Variants in TERT observed in about 807,000 individuals in gnomAD.
TERT encodes telomerase reverse transcriptase.
TERT carries 42 observed loss-of-function variants against 104.0 expected under a neutral mutation model. That is an observed-to-expected ratio of 0.40 (90% CI 0.32 to 0.52). The LOEUF (loss-of-function observed/expected upper bound fraction) is 0.52, where lower values mean the gene tolerates loss of function less well. Ranked by LOEUF, TERT falls within the 20% of genes least tolerant of loss-of-function variation. The pLI is 0.43. For synonymous variants in TERT, 781 were observed against 725.6 expected (o/e 1.08, Z -1.23); for missense variants, 1,101 against 1,610.3 (o/e 0.68, Z 5.41).
At chr5:1,275,279 C>T (rs1161970327) in intron 6 of TERT, among the ~76,000 whole-genome samples, 2 of 149,872 alleles carry the variant, frequency 1.3e-5, no homozygotes, top group Admixed American at 6.7e-5. Context: ...GAGGCTGAGG[C>T]AAGAGAATTG....
At chr5:1,281,559 C>T (rs1750022894) in intron 3 of TERT, among the ~76,000 whole-genome samples, 1 of 152,232 alleles carries the variant, frequency 6.6e-6, no homozygotes, top group South Asian at 2.1e-4. Context: ...CTCACTGATG[C>T]AAATCCAGCT....
intron 9 of TERT, among the ~76,000 whole-genome samples, chr5:1,267,848 T>A (rs1383849042): frequency 6.7e-6 from 1 of 149,306 alleles, no homozygotes; most frequent in Non-Finnish European, 1.5e-5. Flanking sequence ...ATGGGGGGAG[T>A]GGGGAGGGAT....
chr5:1,280,701 C>T (rs1749962720), intron 3 of TERT, among the ~76,000 whole-genome samples: 1 of 152,220 alleles, frequency 6.6e-6, no homozygotes, highest in African/African-American at 2.4e-5. Context: ...GGTACAGCCA[C>T]TGGGGTAGCC....
At position 1,294,236 on chromosome 5, in the gene TERT, G is replaced by C; in HGVS notation, c.650C>G (p.Pro217Arg). Residue 217 changes from proline (P) to arginine (R), a missense_variant, in exon 2 of 16, where the codon CCA becomes CGA. By Grantham distance (103) the Pro-to-Arg change is moderately radical (BLOSUM62 -2). Coordinates refer to ENST00000310581, the MANE Select transcript of TERT (RefSeq NM_198253.3). Reference protein sequence around the residue: ...VREAGVPLGLPAPGARRRGGS... With the variant: ...VREAGVPLGLRAPGARRRGGS... ...CCCGCGCCTCCTCGCACCCGGGGCT[G>C]GCAGGCCCAGGGGGACCCCGGCCTC... The C allele has an allele frequency of 1.9e-6, 3 of 1,588,714 alleles. No homozygotes were observed. The highest frequency in any genetic ancestry group is 2.6e-6 in the Non-Finnish European group (3 of 1,173,608).
chr5:1,278,554 A>C, intron 6 of TERT, 87 bp downstream of exon 6: 1 of 1,576,102 alleles, frequency 6.3e-7, no homozygotes, highest in Non-Finnish European at 8.7e-7. Context: ...CCACCACAGA[A>C]ACGCATCACA....
rs1240580948 is a variant in TERT at position 1,289,718 on chromosome 5, C to T, written c.1573+3595G>A. 5.4e-5 allele frequency among the ~76,000 whole-genome samples: 6 copies of T among 110,768 alleles called. No homozygotes were observed. In the East Asian group the frequency reaches 1.6e-3, roughly 30 times the overall value. The allele number at this position is 110,768 out of a possible 152,430, so 72.7% of individuals were successfully genotyped here. On this transcript the variant is annotated intron_variant, in intron 2 of 15. Transcript: ENST00000310581. ...GTGACAGGGACACCCGGGGACGGCGCCTCACTCACCCTGCACGTGACAGGG... is the reference window on the plus strand; with the variant it reads ...GTGACAGGGACACCCGGGGACGGCGTCTCACTCACCCTGCACGTGACAGGG...
chr5:1,292,152 G>A lies in TERT; in HGVS notation c.1573+1161C>T, dbSNP rs1751033488. Among the ~76,000 whole-genome samples, 1 of 152,180 alleles carries A rather than the reference G, an allele frequency of 6.6e-6. No individual in the cohort carries two copies. Among genetic ancestry groups the A allele is most frequent in the Non-Finnish European group, 1.5e-5 (1 of 68,034 alleles). On this transcript the variant is annotated intron_variant, in intron 2 of 15. Coordinates refer to ENST00000310581, the MANE Select transcript of TERT (RefSeq NM_198253.3). This position sits in a 1 kb window ranked among gnomAD's most constrained non-coding sequence, Gnocchi z 5.5. The stretch of plus-strand genomic sequence containing the variant: ...AAAAAAAGAAAAAAAAGAGCCCCAA[G>A]AAGGTCACCCTCCTTGTCTGCATGG...
In TERT at chr5:1,279,315, C is replaced by T. The variant is rs151055240; in HGVS notation, c.2106G>A (p.Pro702=). The change falls in exon 5 of 16, where the codon CCG becomes CCA. Residue 702 remains proline, a synonymous_variant. Coordinates refer to ENST00000310581, the MANE Select transcript of TERT (RefSeq NM_198253.3). ...TFVLRVRAQD[P]PPELYFVKVD... is the part of the protein sequence containing the mutation. ...CCTTGACAAAGTACAGCTCAGGCGG[C>T]GGGTCCTGGGCCCGCACACGCAGCA... 1,089 of 1,583,982 alleles carry T rather than the reference C, an allele frequency of 6.9e-4. 1 individual carries two copies. Among genetic ancestry groups the T allele is most frequent in the Non-Finnish European group, 8.5e-4 (998 of 1,167,404 alleles).
rs993409760 is a variant in TERT, at chr5:1,268,686, G to A, written c.2469-53C>T. 4 of 1,287,392 alleles carry A rather than the reference G, an allele frequency of 3.1e-6. No individual in the cohort carries two copies. The highest frequency in any genetic ancestry group is 2.4e-5 in the East Asian group (1 of 42,336). 79.7% of individuals were successfully genotyped at this position (1,287,392 alleles called of 1,614,324 possible). A position where few individuals can be genotyped will look rare whatever the true frequency, so the allele number is the denominator to read the frequency against. The stretch of plus-strand genomic sequence containing the variant: ...CGGGCAGGGCATGTGCTGGACATGC[G>A]TACACTCAAACCGAGCCACACACAG... On this transcript the variant is annotated intron_variant, in intron 8 of 15. Transcript: ENST00000310581. The surrounding 1 kb of genome is among the most constrained non-coding windows in gnomAD (Gnocchi z 5.5).
rs751752830 is a variant in TERT at position 1,268,522 on chromosome 5, G to A, written c.2580C>T (p.Asp860=). The change falls in exon 9 of 16, where the codon GAC becomes GAT. Residue 860 remains aspartate (D), a splice_region_variant and synonymous_variant. Coordinates refer to ENST00000310581, the MANE Select transcript of TERT (RefSeq NM_198253.3). This position sits in a 1 kb window ranked among gnomAD's most constrained non-coding sequence, Gnocchi z 5.5. ...CCCTGGGGAAGAGGAGGCCTCACCC[G>A]TCCCGCCGAATCCCCGCAAACAGCT... ...ENKLFAGIRR[D]GLLLRLVDDF... is the part of the protein sequence containing the mutation. The A allele has an allele frequency of 5.6e-5, 90 of 1,612,924 alleles. 1 individual carries two copies. Among genetic ancestry groups the A allele is most frequent in the South Asian group, 4.0e-4 (36 of 91,064 alleles).
At chr5:1,290,204 T>G (rs62332591) in intron 2 of TERT, among the ~76,000 whole-genome samples, 8,737 of 19,922 alleles carry the variant, frequency 0.44, 1,036 homozygotes, top group Admixed American at 0.51. Context: ...CACGTGACAG[T>G]GACACCCGGG....
At chr5:1,259,068 GT>G (rs1354696830) in intron 12 of TERT, among the ~76,000 whole-genome samples, 18 of 148,400 alleles carry the variant, frequency 1.2e-4, no homozygotes, top group Non-Finnish European at 4.5e-5. Flanking sequence ...AGGGAATGGA[GT>G]GGATGTAAAT....
intron 11 of TERT, 180 bp downstream of exon 11, chr5:1,264,224 C>T (rs894312957): frequency 3.1e-6 from 2 of 654,998 alleles, no homozygotes; most frequent in African/African-American, 3.6e-5. Flanking sequence ...AGCACCCTCA[C>T]TCCCACAGAA....
At chr5:1,260,364 G>T in intron 12 of TERT, 110 bp downstream of exon 12, 1 of 1,552,228 alleles carries the variant, frequency 6.4e-7, no homozygotes, top group Non-Finnish European at 8.8e-7. Context: ...GCACTCTTAC[G>T]TGCAGCCAGT....
chr5:1,289,854 C>A (rs1317021176), intron 2 of TERT, among the ~76,000 whole-genome samples: 4 of 92,796 alleles, frequency 4.3e-5, no homozygotes, highest in Admixed American at 3.1e-4. Context: ...CCTCACTCAC[C>A]CTGCAAGTGA....
At chr5:1,289,994 G>A (rs1382370666) in intron 2 of TERT, among the ~76,000 whole-genome samples, 4 of 20,990 alleles carry the variant, frequency 1.9e-4, no homozygotes, top group African/African-American at 3.6e-4. Context: ...CACGTGACAG[G>A]GACACCCGGG....
rs1443745224 is a variant in TERT, at chr5:1,292,858, A to T, written c.1573+455T>A. On this transcript the variant is annotated intron_variant, in intron 2 of 15. Transcript: ENST00000310581. The surrounding 1 kb of genome is among the most constrained non-coding windows in gnomAD (Gnocchi z 5.5). Reference sequence around the variant, plus strand: ...TAAACACAAACCTGCATATTGGCTGACCACGTGCACCTGCAAAACCCTTAC... The same window carrying T: ...TAAACACAAACCTGCATATTGGCTGTCCACGTGCACCTGCAAAACCCTTAC... Among the ~76,000 whole-genome samples, 1 of 152,210 alleles carries T rather than the reference A, an allele frequency of 6.6e-6. No homozygotes were observed. Among genetic ancestry groups the T allele is most frequent in the African/African-American group, 2.4e-5 (1 of 41,462 alleles).
intron 9 of TERT, among the ~76,000 whole-genome samples, chr5:1,267,448 T>C (rs912578702): frequency 6.6e-6 from 1 of 152,202 alleles, no homozygotes; most frequent in Non-Finnish European, 1.5e-5. Context: ...GATCTAGAAC[T>C]AGAAATACCA....
chr5:1,289,420 G>C (rs35260354), intron 2 of TERT, among the ~76,000 whole-genome samples: 13 of 73,322 alleles, frequency 1.8e-4, no homozygotes, highest in Admixed American at 2.7e-4. Flanking sequence ...ACCCGGGGAC[G>C]GCGCCTCACT....
Sources: allele counts gnomAD v4.1 joint callset (sites outside exome capture counted in the v4.1 genomes callset), GRCh38; gene constraint gnomAD v4.1.1; non-coding constraint Gnocchi (gnomAD v3.1); transcripts MANE v1.5; gene names NCBI Gene and HGNC (gene_info 2026-07-23, HGNC 2026-07-21).